The following PYGB variants were observed in gnomAD, a reference collection of about 807,000 sequenced individuals.
PYGB encodes glycogen phosphorylase, brain form.
In PYGB, 82 loss-of-function variants were observed where a neutral mutation model predicts 94.3. The observed-to-expected ratio is 0.87, with a 90% CI of 0.73 to 1.04. PYGB has a LOEUF of 1.04. PYGB is among the 50% of genes least tolerant of loss of function. The pLI is 0.00. For missense variants in PYGB, 1,132 were observed against 1,158.2 expected (o/e 0.98, Z 0.33); for synonymous variants, 488 against 479.1 (o/e 1.02, Z -0.24).
chr20:25,281,354 C>T (rs931717032), intron 11 of PYGB, among the ~76,000 whole-genome samples: 5 of 152,234 alleles, frequency 3.3e-5, no homozygotes, highest in East Asian at 3.8e-4. Flanking sequence ...AACGGGGAGA[C>T]GGCTTTGTCT....
chr20:25,274,353 T>A (rs2088291843), intron 4 of PYGB, among the ~76,000 whole-genome samples: 1 of 152,222 alleles, frequency 6.6e-6, no homozygotes, highest in Non-Finnish European at 1.5e-5. Context: ...TGGTTCTTAG[T>A]GTCTTTCTTT....
At chr20:25,271,178 C>T (rs904533265) in intron 3 of PYGB, among the ~76,000 whole-genome samples, 2 of 152,078 alleles carry the variant, frequency 1.3e-5, no homozygotes, top group African/African-American at 2.4e-5. Flanking sequence ...CCTCCCACGC[C>T]CTTCGAGTAG....
intron 16 of PYGB, among the ~76,000 whole-genome samples, chr20:25,291,038 T>C (rs2088462932): frequency 6.6e-6 from 1 of 150,944 alleles, no homozygotes. Context: ...CCGTGTCTTC[T>C]GCCCTGGGCC....
intron 14 of PYGB, 99 bp downstream of exon 14, chr20:25,284,350 G>A: frequency 2.7e-6 from 4 of 1,477,128 alleles, no homozygotes; most frequent in Non-Finnish European, 3.7e-6. Flanking sequence ...CATGGTGGGG[G>A]CTGTGTGTGT....
At position 25,248,384 on chromosome 20, in the gene PYGB, T is replaced by G. The variant is rs1401779315; in HGVS notation, c.206T>G (p.Ile69Ser). The G allele has an allele frequency of 7.5e-6, 12 of 1,590,850 alleles. No individual in the cohort carries two copies. The highest frequency in any genetic ancestry group is 1.0e-5 in the Non-Finnish European group (12 of 1,170,134). ...TVRDHLVGRW[I>S]RTQQHYYERD... The stretch of plus-strand genomic sequence containing the variant: ...CGCGACCACCTCGTGGGCCGCTGGA[T>G]CCGCACGCAGCAGCACTACTACGAG... Residue 69 changes from isoleucine to serine, a missense_variant, in exon 1 of 20, where the codon ATC becomes AGC. Transcript: ENST00000216962.
intron 1 of PYGB, among the ~76,000 whole-genome samples, chr20:25,257,581 C>T (rs549272200): frequency 2.0e-5 from 3 of 152,246 alleles, no homozygotes; most frequent in Non-Finnish European, 4.4e-5. Context: ...GTAGTGCCAG[C>T]TGCTTGGGAG....
chr20:25,275,054 C>T (rs2088298928), intron 5 of PYGB, among the ~76,000 whole-genome samples: 1 of 152,208 alleles, frequency 6.6e-6, no homozygotes, highest in Admixed American at 6.5e-5. Context: ...TAAGGGCAGG[C>T]AGGAGGGTGT....
At chr20:25,254,742 C>T (rs916911653) in intron 1 of PYGB, among the ~76,000 whole-genome samples, 1 of 152,198 alleles carries the variant, frequency 6.6e-6, no homozygotes, top group Non-Finnish European at 1.5e-5. Flanking sequence ...TAGGCTCTGT[C>T]AGTGATAAGG....
At chr20:25,251,303 A>C (rs2092887349) in intron 1 of PYGB, 1 of 152,230 alleles carries the variant, frequency 6.6e-6, no homozygotes, top group Admixed American at 6.5e-5. Context: ...GCTCCTTTTC[A>C]TCCTGGCCTT....
chr20:25,288,244 G>C (rs1481638136), intron 14 of PYGB, 181 bp from the exon 15 acceptor site: 1 of 737,682 alleles, frequency 1.4e-6, no homozygotes, highest in African/African-American at 1.7e-5. Context: ...CAGGTTCCTG[G>C]TGGGTGGGCA....
At chr20:25,296,237 GTCC>G in intron 19 of PYGB, 130 bp from the exon 20 acceptor site, 1 of 1,095,790 alleles carries the variant, frequency 9.1e-7, no homozygotes, top group Non-Finnish European at 1.3e-6. Flanking sequence ...TGATTGTAAT[GTCC>G]TCCTCTTCCA....
chr20:25,294,836 G>T, intron 18 of PYGB: 1 of 887,872 alleles, frequency 1.1e-6, no homozygotes, highest in South Asian at 1.3e-5. Flanking sequence ...TTGCAGCTCA[G>T]GGCAGTTCTT....
chr20:25,278,189 A>C (rs1487053810), intron 7 of PYGB, 130 bp from the exon 8 acceptor site: 3 of 1,036,302 alleles, frequency 2.9e-6, no homozygotes, highest in South Asian at 3.6e-5. Context: ...GGCAGGCCCC[A>C]GTGTCAGGCA....
chr20:25,257,078 C>T (rs1015761642), intron 1 of PYGB, among the ~76,000 whole-genome samples: 1 of 152,190 alleles, frequency 6.6e-6, no homozygotes, highest in Non-Finnish European at 1.5e-5. Flanking sequence ...CCAGCCTGTA[C>T]CATTCAAGTC....
intron 18 of PYGB, chr20:25,294,848 A>T: frequency 9.6e-7 from 1 of 1,042,672 alleles, no homozygotes; most frequent in Non-Finnish European, 1.5e-6. Flanking sequence ...GCAGTTCTTC[A>T]CCGTTGGCAA....
At chr20:25,291,360 C>T (rs2088465889) in intron 16 of PYGB, among the ~76,000 whole-genome samples, 1 of 152,202 alleles carries the variant, frequency 6.6e-6, no homozygotes, top group African/African-American at 2.4e-5. Flanking sequence ...CCTTCTCGTG[C>T]TCCCCTCCTG....
intron 17 of PYGB, among the ~76,000 whole-genome samples, chr20:25,293,157 G>C (rs1307435240): frequency 6.7e-6 from 1 of 149,116 alleles, no homozygotes; most frequent in Admixed American, 6.7e-5. Flanking sequence ...GGGGGATGGG[G>C]GGGTTGGGGG....
chr20:25,294,734 G>C lies in PYGB; in HGVS notation c.2312+442G>C, dbSNP rs376417492. The C allele has an allele frequency of 4.1e-4, 259 of 624,412 alleles. 1 individual carries two copies. The highest frequency in any genetic ancestry group is 4.1e-3 in the African/African-American group (229 of 55,212). The allele number at this position is 624,412 out of a possible 1,614,324, so 38.7% of individuals were successfully genotyped here. ...GCAGTGGTGAAAATGGATTTCACTT[G>C]CAACGATGTGACATTATAATGTAGT... is the stretch of plus-strand genomic sequence containing the variant. On this transcript the variant is annotated intron_variant, in intron 18 of 19. Transcript: ENST00000216962.
At chr20:25,278,962 G>GC in intron 8 of PYGB, 95 bp from the exon 9 acceptor site, 2 of 1,100,234 alleles carry the variant, frequency 1.8e-6, no homozygotes, top group Non-Finnish European at 1.3e-6. Flanking sequence ...GGTGGGCTGG[G>GC]CTGGCTCCTT....
Sources: gnomAD v4.1 joint callset for allele counts (sites outside exome capture counted in the v4.1 genomes callset) on GRCh38, gnomAD v4.1.1 for gene constraint, MANE v1.5 for transcripts, NCBI Gene and HGNC (gene_info 2026-07-23, HGNC 2026-07-21) for gene names.